The following STRN3 variants were observed in gnomAD, a reference collection of about 807,000 sequenced individuals.
STRN3 encodes striatin-3.
In STRN3, 29 loss-of-function variants were observed where a neutral mutation model predicts 95.6. That is an observed-to-expected ratio of 0.30 (90% CI 0.23 to 0.41). The LOEUF is 0.41. Ranked by LOEUF, STRN3 falls within the 10% of genes least tolerant of loss-of-function variation. STRN3 has a pLI of 1.00. For synonymous variants in STRN3, 331 were observed against 357.6 expected (o/e 0.93, Z 0.84); for missense variants, 890 against 972.1 (o/e 0.92, Z 1.12).
At chr14:30,983,083 T>C (rs931794067) in intron 1 of STRN3, among the ~76,000 whole-genome samples, 1 of 152,256 alleles carries the variant, frequency 6.6e-6, no homozygotes, top group Non-Finnish European at 1.5e-5. Context: ...CTGGCATATG[T>C]AAAGACTCAA....
At chr14:30,936,411 C>T in intron 6 of STRN3, 84 bp downstream of exon 6, 6 of 1,445,054 alleles carry the variant, frequency 4.2e-6, no homozygotes, top group Non-Finnish European at 5.6e-6. Flanking sequence ...TCAATCACTC[C>T]CAATGTAACT....
At chr14:30,983,678 T>C (rs1453562067) in intron 1 of STRN3, among the ~76,000 whole-genome samples, 1 of 152,160 alleles carries the variant, frequency 6.6e-6, no homozygotes, top group Non-Finnish European at 1.5e-5. Context: ...ATGATCAAAA[T>C]GAAAGAAATA....
chr14:30,894,874 TAA>T lies in STRN3; in HGVS notation c.*535_*536del. 1.2e-6 allele frequency: 1 copy of T among 842,160 alleles called. No individual in the cohort carries two copies. The highest frequency in any genetic ancestry group is 1.6e-6 in the Non-Finnish European group (1 of 641,904). The allele number at this position is 842,160 out of a possible 1,614,324, so 52.2% of individuals were successfully genotyped here. On this transcript the variant is annotated 3_prime_UTR_variant, in exon 18 of 18. Transcript: ENST00000357479. ...TTGTGCAACTAATGCTAAAATATTTTAAGTTAAATTTTCTTTTTCTTTTTTTT... is the reference window on the plus strand; with the variant it reads ...TTGTGCAACTAATGCTAAAATATTTTGTTAAATTTTCTTTTTCTTTTTTTT...
chr14:30,999,292 C>T (rs1404744702), intron 1 of STRN3, among the ~76,000 whole-genome samples: 4 of 152,176 alleles, frequency 2.6e-5, no homozygotes, highest in Admixed American at 2.0e-4. Context: ...AGCGATCCTC[C>T]CACCTCGGCC....
At position 31,000,842 on chromosome 14, in the gene STRN3, G is replaced by GAA. The variant is rs35776301; in HGVS notation, c.282+25060_282+25061dup. Among the ~76,000 whole-genome samples, 138 of 146,878 alleles carry GAA rather than the reference G, an allele frequency of 9.4e-4. 1 individual carries two copies. Among genetic ancestry groups the GAA allele is most frequent in the African/African-American group, 2.2e-3 (86 of 39,728 alleles). ...AGGGGCTAAATAAACAGCCGATGAAGAAAAAAAAAAACAATAGGTAGAGAT... is the reference window on the plus strand; with the variant it reads ...AGGGGCTAAATAAACAGCCGATGAAGAAAAAAAAAAAAACAATAGGTAGAGAT... On this transcript the variant is annotated intron_variant, in intron 1 of 17. Coordinates refer to ENST00000357479, the MANE Select transcript of STRN3 (RefSeq NM_001083893.2).
chr14:30,908,674 G>A (rs143268811), intron 13 of STRN3, among the ~76,000 whole-genome samples: 5 of 152,108 alleles, frequency 3.3e-5, no homozygotes, highest in Admixed American at 6.5e-5. Context: ...CCATGATTTC[G>A]CACCCTCTCC....
intron 4 of STRN3, among the ~76,000 whole-genome samples, chr14:30,949,058 A>C (rs1467537817): frequency 6.6e-6 from 1 of 152,182 alleles, no homozygotes; most frequent in Non-Finnish European, 1.5e-5. Context: ...GAAAAGAATA[A>C]ACCTAAGATA....
intron 1 of STRN3, among the ~76,000 whole-genome samples, chr14:30,974,418 CAT>C (rs1175241430): frequency 6.6e-6 from 1 of 151,934 alleles, no homozygotes; most frequent in African/African-American, 2.4e-5. Flanking sequence ...GAAATTAAGA[CAT>C]AAATAAATGA....
At chr14:30,895,860 T>G in intron 16 of STRN3, 112 bp from the exon 17 acceptor site, 1 of 871,306 alleles carries the variant, frequency 1.1e-6, no homozygotes, top group Non-Finnish European at 1.7e-6. Context: ...ACTTTTTTAT[T>G]GTGGTAAAAT....
chr14:30,971,373 T>C (rs564694355), intron 1 of STRN3, among the ~76,000 whole-genome samples: 2 of 152,276 alleles, frequency 1.3e-5, no homozygotes, highest in African/African-American at 4.8e-5. Context: ...TAGACACAAT[T>C]AAAGTCCCAT....
chr14:31,025,835 TC>T, intron 1 of STRN3, 68 bp downstream of exon 1: 1 of 1,540,534 alleles, frequency 6.5e-7, no homozygotes, highest in Non-Finnish European at 8.7e-7. Flanking sequence ...CTGAGTGGAG[TC>T]CCCAGCCCCA....
intron 1 of STRN3, among the ~76,000 whole-genome samples, chr14:30,982,098 C>CAAAAAAAAA (rs11451891): frequency 4.0e-5 from 3 of 75,528 alleles, no homozygotes; most frequent in Non-Finnish European, 7.0e-5. Flanking sequence ...CTCTGTCTCA[C>CAAAAAAAAA]AAAAAAAAAA....
At chr14:30,926,634 T>C (rs1000275896) in intron 8 of STRN3, among the ~76,000 whole-genome samples, 3 of 151,970 alleles carry the variant, frequency 2.0e-5, no homozygotes, top group Non-Finnish European at 2.9e-5. Flanking sequence ...TATAAGTACT[T>C]CTTATAATAC....
In STRN3 at chr14:31,026,214, G is replaced by A. The variant is rs1342120161; in HGVS notation, c.-29C>T. 5 of 1,386,672 alleles carry A rather than the reference G, an allele frequency of 3.6e-6. No homozygotes were observed. In the Admixed American group the frequency reaches 1.5e-4, roughly 41 times the overall value. The allele number at this position is 1,386,672 out of a possible 1,614,324, so 85.9% of individuals were successfully genotyped here. A position where few individuals can be genotyped will look rare whatever the true frequency, so the allele number is the denominator to read the frequency against. Reference sequence around the variant, plus strand: ...GTGTGGGGCCCCGGCCGGGGCGCAGGGCGAGACGCCGACAGCTGGGGGAAG... The same window carrying A: ...GTGTGGGGCCCCGGCCGGGGCGCAGAGCGAGACGCCGACAGCTGGGGGAAG... On this transcript the variant is annotated 5_prime_UTR_variant, in exon 1 of 18. Transcript: ENST00000357479.
intron 1 of STRN3, among the ~76,000 whole-genome samples, chr14:30,964,057 A>T (rs1399759943): frequency 2.0e-5 from 3 of 151,798 alleles, no homozygotes; most frequent in African/African-American, 7.3e-5. Flanking sequence ...TTCGAGATCA[A>T]CCTGGCCAAC....
chr14:30,963,534 G>A (rs541935908), intron 1 of STRN3, among the ~76,000 whole-genome samples: 11 of 152,118 alleles, frequency 7.2e-5, no homozygotes, highest in Non-Finnish European at 8.8e-5. Flanking sequence ...TCAGCCTCCC[G>A]AGTAGCTGGG....
intron 5 of STRN3, among the ~76,000 whole-genome samples, chr14:30,938,434 A>T (rs1878932535): frequency 6.6e-6 from 1 of 152,102 alleles, no homozygotes; most frequent in Non-Finnish European, 1.5e-5. Context: ...ATTTAAAAGA[A>T]TTTTTTTTAA....
intron 15 of STRN3, among the ~76,000 whole-genome samples, chr14:30,904,038 T>C (rs1443202066): frequency 2.0e-5 from 3 of 152,164 alleles, no homozygotes; most frequent in African/African-American, 2.4e-5. Flanking sequence ...GCTCTGTCCA[T>C]TGAAAAAGCC....
chr14:30,925,431 T>A (rs1897003769), intron 8 of STRN3, among the ~76,000 whole-genome samples: 1 of 152,220 alleles, frequency 6.6e-6, no homozygotes, highest in Non-Finnish European at 1.5e-5. Context: ...TTACATCTGC[T>A]GATTCCATAT....
Sources: gnomAD v4.1 joint callset for allele counts (sites outside exome capture counted in the v4.1 genomes callset) on GRCh38, gnomAD v4.1.1 for gene constraint, MANE v1.5 for transcripts, NCBI Gene and HGNC (gene_info 2026-07-23, HGNC 2026-07-21) for gene names.